Variants in SLC39A11 observed in about 807,000 individuals in gnomAD.
SLC39A11 encodes the protein zinc transporter ZIP11.
SLC39A11 carries 33 observed loss-of-function variants against 36.1 expected under a neutral mutation model. That is an observed-to-expected ratio of 0.91 (90% CI 0.69 to 1.22). The LOEUF (loss-of-function observed/expected upper bound fraction) is 1.22. Among genes scored for constraint, SLC39A11 ranks in the 50% most tolerant of loss-of-function variants. SLC39A11 has a pLI of 0.00. For missense variants in SLC39A11, 432 were observed against 430.3 expected (o/e 1.00, Z -0.03); for synonymous variants, 166 against 170.3 (o/e 0.97, Z 0.20).
chr17:73,048,846 C>T (rs765778674), intron 3 of SLC39A11, among the ~76,000 whole-genome samples: 1 of 152,104 alleles, frequency 6.6e-6, no homozygotes, highest in Non-Finnish European at 1.5e-5. Flanking sequence ...GAATCAAACC[C>T]CTATGATCTA....
chr17:72,871,113 G>C (rs2080600570), intron 5 of SLC39A11, among the ~76,000 whole-genome samples: 2 of 146,598 alleles, frequency 1.4e-5, no homozygotes, highest in South Asian at 4.4e-4. Flanking sequence ...CCCAGCTGGA[G>C]TGCAGTGGTG....
chr17:72,803,662 C>T (rs1003059238), intron 6 of SLC39A11, among the ~76,000 whole-genome samples: 1 of 152,164 alleles, frequency 6.6e-6, no homozygotes, highest in African/African-American at 2.4e-5. Flanking sequence ...TTCTCAGCTC[C>T]TGGAGGGCAG....
intron 5 of SLC39A11, among the ~76,000 whole-genome samples, chr17:72,899,701 C>A (rs1178756160): frequency 6.6e-6 from 1 of 152,166 alleles, no homozygotes; most frequent in Non-Finnish European, 1.5e-5. Flanking sequence ...GTGGCTCATG[C>A]CTGTAATCCC....
At chr17:73,047,160 G>A (rs1428915957) in intron 3 of SLC39A11, among the ~76,000 whole-genome samples, 1 of 151,810 alleles carries the variant, frequency 6.6e-6, no homozygotes, top group East Asian at 2.0e-4. Context: ...GAGTAGCTGG[G>A]ACTACAGGCT....
chr17:72,820,474 C>T (rs2077734376), intron 6 of SLC39A11, among the ~76,000 whole-genome samples: 1 of 151,166 alleles, frequency 6.6e-6, no homozygotes, highest in Non-Finnish European at 1.5e-5. Flanking sequence ...CTCAGAGCAC[C>T]CTCACAACCT....
At chr17:72,742,641 T>C (rs1395994911) in intron 6 of SLC39A11, among the ~76,000 whole-genome samples, 2 of 152,246 alleles carry the variant, frequency 1.3e-5, no homozygotes, top group Non-Finnish European at 2.9e-5. Context: ...GTTGACTCTT[T>C]TGTTAAAAAT....
intron 4 of SLC39A11, among the ~76,000 whole-genome samples, chr17:72,961,912 T>C (rs56244548): frequency 6.6e-6 from 1 of 152,118 alleles, no homozygotes; most frequent in Non-Finnish European, 1.5e-5. Context: ...AGAAATAGTA[T>C]GCAAATGGTA....
intron 4 of SLC39A11, among the ~76,000 whole-genome samples, chr17:73,028,507 T>C (rs2058634462): frequency 6.6e-6 from 1 of 152,178 alleles, no homozygotes; most frequent in Admixed American, 6.5e-5. Flanking sequence ...ACTGTAGCAA[T>C]CATAAGTAAT....
intron 5 of SLC39A11, among the ~76,000 whole-genome samples, chr17:72,906,734 C>A (rs1438862221): frequency 1.3e-5 from 2 of 152,160 alleles, no homozygotes; most frequent in Non-Finnish European, 1.5e-5. Flanking sequence ...GATTAAAGGC[C>A]CAAAATCAAA....
At chr17:72,693,655 C>T (rs775311295) in intron 7 of SLC39A11, among the ~76,000 whole-genome samples, 1 of 152,110 alleles carries the variant, frequency 6.6e-6, no homozygotes, top group African/African-American at 2.4e-5. Context: ...AACAGCAGCC[C>T]GCAGCTGCCA....
chr17:72,665,389 G>GTTTTTTTTTCTTTTTTTTT (rs2070689286), intron 7 of SLC39A11, among the ~76,000 whole-genome samples: 1 of 76,636 alleles, frequency 1.3e-5, no homozygotes, highest in Non-Finnish European at 2.4e-5. Context: ...GTTTTGAGGT[G>GTTTTTTTTTCTTTTTTTTT]TTTTTTTTTT....
chr17:72,798,273 A>G (rs2076962282), intron 6 of SLC39A11, among the ~76,000 whole-genome samples: 1 of 151,212 alleles, frequency 6.6e-6, no homozygotes, highest in Non-Finnish European at 1.5e-5. Flanking sequence ...GCGGTTCTGG[A>G]GGCTGGAAGT....
At chr17:72,800,945 G>T (rs914118492) in intron 6 of SLC39A11, among the ~76,000 whole-genome samples, 1 of 152,296 alleles carries the variant, frequency 6.6e-6, no homozygotes, top group South Asian at 2.1e-4. Context: ...TAAAACTAAT[G>T]TGCCATGCAA....
intron 5 of SLC39A11, among the ~76,000 whole-genome samples, chr17:72,860,236 C>T (rs940589337): frequency 6.6e-5 from 10 of 152,016 alleles, no homozygotes; most frequent in Non-Finnish European, 1.2e-4. Flanking sequence ...TTGCTAGTCT[C>T]GCCACCATCT....
chr17:73,036,680 T>C (rs2058927252), intron 3 of SLC39A11, among the ~76,000 whole-genome samples: 1 of 152,042 alleles, frequency 6.6e-6, no homozygotes, highest in South Asian at 2.1e-4. Context: ...CTCCCGACCT[T>C]AGGTGACCCA....
At chr17:73,035,529 G>A (rs2058878202) in intron 3 of SLC39A11, among the ~76,000 whole-genome samples, 2 of 152,114 alleles carry the variant, frequency 1.3e-5, no homozygotes, top group Non-Finnish European at 2.9e-5. Flanking sequence ...CAAGTAAAAA[G>A]GACTCTGCAC....
chr17:72,740,051 C>CT (rs547266955), intron 6 of SLC39A11, among the ~76,000 whole-genome samples: 1 of 97,652 alleles, frequency 1.0e-5, no homozygotes, highest in African/African-American at 4.1e-5. Flanking sequence ...AATTTCTTTC[C>CT]TTTTCTTTTT....
intron 3 of SLC39A11, among the ~76,000 whole-genome samples, chr17:73,061,925 G>A (rs1461036831): frequency 6.6e-6 from 1 of 152,112 alleles, no homozygotes; most frequent in African/African-American, 2.4e-5. Context: ...GAGACCAAGA[G>A]GTCAATGCTG....
intron 4 of SLC39A11, among the ~76,000 whole-genome samples, chr17:73,013,432 G>C (rs1253675613): frequency 6.6e-6 from 1 of 152,210 alleles, no homozygotes; most frequent in South Asian, 2.1e-4. Flanking sequence ...GTGATACTTG[G>C]TTTTCTATTT....
Sources: allele counts gnomAD v4.1 joint callset (sites outside exome capture counted in the v4.1 genomes callset), GRCh38; gene constraint gnomAD v4.1.1; transcripts MANE v1.5; gene names NCBI Gene and HGNC (gene_info 2026-07-23, HGNC 2026-07-21).